The following RNF216 variants were observed in gnomAD, a reference collection of about 807,000 sequenced individuals.
RNF216 encodes E3 ubiquitin-protein ligase RNF216.
A neutral mutation model predicts 110.8 loss-of-function variants in RNF216; 72 were observed. The observed-to-expected ratio is 0.65, with a 90% CI of 0.54 to 0.79. RNF216 has a LOEUF of 0.79. Ranked by LOEUF, RNF216 falls within the 30% of genes least tolerant of loss-of-function variation. The pLI is 0.00. For missense variants in RNF216, 1,342 were observed against 1,141.2 expected (o/e 1.18, Z -2.54); for synonymous variants, 495 against 407.5 (o/e 1.21, Z -2.59).
At position 5,739,507 on chromosome 7, in the gene RNF216, C is replaced by G. The variant is rs1161024533; in HGVS notation, c.1045-155G>C. 5.4e-6 allele frequency: 4 copies of G among 746,310 alleles called. No homozygotes were observed. In the Admixed American group the frequency reaches 8.2e-5, roughly 15 times the overall value. 46.2% of individuals were successfully genotyped at this position (746,310 alleles called of 1,614,324 possible). ...TGTGTCTTCAAATTCAACACTAGTTCCCAGATTCATCTGTCTACATAGAAG... is the reference window on the plus strand; with the variant it reads ...TGTGTCTTCAAATTCAACACTAGTTGCCAGATTCATCTGTCTACATAGAAG... On this transcript the variant is annotated intron_variant, in intron 4 of 16. Transcript: ENST00000389902.
intron 1 of RNF216, among the ~76,000 whole-genome samples, chr7:5,779,770 A>C (rs961319022): frequency 2.2e-5 from 3 of 135,008 alleles, no homozygotes; most frequent in Non-Finnish European, 4.6e-5. Context: ...CGGAGGGTGC[A>C]GTGGGCAGAG....
chr7:5,723,497 A>G (rs1793566845), intron 8 of RNF216, among the ~76,000 whole-genome samples: 1 of 152,034 alleles, frequency 6.6e-6, no homozygotes, highest in Non-Finnish European at 1.5e-5. Context: ...AACACAAAAA[A>G]TTAGCCGGAC....
chr7:5,749,202 G>C (rs1355602652), intron 3 of RNF216, among the ~76,000 whole-genome samples: 3 of 147,380 alleles, frequency 2.0e-5, no homozygotes, highest in Non-Finnish European at 3.0e-5. Context: ...ACAGGCTAGA[G>C]TGCAGTGGCG....
chr7:5,686,286 C>T (rs1176726389), intron 13 of RNF216, among the ~76,000 whole-genome samples: 2 of 150,012 alleles, frequency 1.3e-5, no homozygotes, highest in East Asian at 1.9e-4. Context: ...AACACCACTG[C>T]TGCCACGTGG....
At chr7:5,710,598 A>C (rs940164345) in intron 13 of RNF216, among the ~76,000 whole-genome samples, 7 of 152,042 alleles carry the variant, frequency 4.6e-5, no homozygotes, top group Non-Finnish European at 8.8e-5. Context: ...CTTATATTTT[A>C]TCTCTCCCCA....
chr7:5,678,328 T>C (rs116646260), intron 13 of RNF216, among the ~76,000 whole-genome samples: 382 of 152,334 alleles, frequency 2.5e-3, no homozygotes, highest in African/African-American at 8.5e-3. Flanking sequence ...AATGTCAATA[T>C]ATTACCTGCG....
At chr7:5,700,880 A>C (rs983062081) in intron 13 of RNF216, among the ~76,000 whole-genome samples, 4 of 152,140 alleles carry the variant, frequency 2.6e-5, no homozygotes, top group East Asian at 3.8e-4. Flanking sequence ...TGCACCAAGA[A>C]GACAAACCCT....
intron 14 of RNF216, among the ~76,000 whole-genome samples, chr7:5,643,884 T>C (rs1301535135): frequency 6.6e-6 from 1 of 152,198 alleles, no homozygotes; most frequent in East Asian, 1.9e-4. Context: ...GCTCTACAGA[T>C]TGCCATTCTG....
intron 3 of RNF216, among the ~76,000 whole-genome samples, chr7:5,748,611 TACACACACACACACACACACACACAC>T (rs10588945): frequency 2.1e-5 from 3 of 143,054 alleles, no homozygotes; most frequent in Non-Finnish European, 3.1e-5. Flanking sequence ...TTTATATACA[TACACACACACACACACACACACACAC>T]ACACACACAC....
intron 13 of RNF216, among the ~76,000 whole-genome samples, chr7:5,678,689 G>A (rs1482005461): frequency 6.6e-6 from 1 of 152,228 alleles, no homozygotes; most frequent in Non-Finnish European, 1.5e-5. Flanking sequence ...TGTGCCTCCT[G>A]GGCCTGCTAC....
intron 15 of RNF216, among the ~76,000 whole-genome samples, chr7:5,630,974 T>C (rs568643315): frequency 6.6e-6 from 1 of 152,160 alleles, no homozygotes; most frequent in Non-Finnish European, 1.5e-5. Flanking sequence ...ACTGGGGGCC[T>C]GAGAACACTG....
chr7:5,641,202 T>A lies in RNF216; in HGVS notation c.2334A>T (p.Gly778=). 6.2e-7 allele frequency: 1 copy of A among 1,614,192 alleles called. No homozygotes were observed. The highest frequency in any genetic ancestry group is 8.5e-7 in the Non-Finnish European group (1 of 1,180,044). Residue 778 remains glycine (G), a synonymous_variant, in exon 15 of 17, where the codon GGA becomes GGT. Transcript: ENST00000389902. ...ATCTTGAACACTCCTGGCAAGGGGC[T>A]CCTGGTGAGCGGGGATGTTGGCAGA... ...DHFCQHPRSP[G]APCQECSRCS...
chr7:5,646,344 A>G (rs1788045964), intron 14 of RNF216, among the ~76,000 whole-genome samples: 1 of 151,818 alleles, frequency 6.6e-6, no homozygotes, highest in African/African-American at 2.4e-5. Flanking sequence ...ACTGCACTCC[A>G]GACGGGGTGA....
chr7:5,698,198 G>C (rs1791743268), intron 13 of RNF216, among the ~76,000 whole-genome samples: 1 of 152,180 alleles, frequency 6.6e-6, no homozygotes. Flanking sequence ...GTTTGGGCTA[G>C]AGGGACACTC....
At chr7:5,667,882 C>T (rs974543613) in intron 13 of RNF216, among the ~76,000 whole-genome samples, 2 of 152,202 alleles carry the variant, frequency 1.3e-5, no homozygotes, top group Non-Finnish European at 2.9e-5. Context: ...AAAGGAGCCA[C>T]TGGGGTCTGG....
chr7:5,658,255 C>G (rs1788872607), intron 13 of RNF216, among the ~76,000 whole-genome samples: 1 of 152,190 alleles, frequency 6.6e-6, no homozygotes, highest in African/African-American at 2.4e-5. Flanking sequence ...CCATTAAAGC[C>G]AAGTATCTGA....
intron 1 of RNF216, among the ~76,000 whole-genome samples, chr7:5,769,407 C>G (rs960178894): frequency 6.6e-6 from 1 of 151,766 alleles, no homozygotes; most frequent in Non-Finnish European, 1.5e-5. Context: ...TGAGCCACCG[C>G]GCCTGGCCGC....
chr7:5,674,222 G>A (rs1039040261), intron 13 of RNF216, among the ~76,000 whole-genome samples: 7 of 151,976 alleles, frequency 4.6e-5, no homozygotes, highest in Admixed American at 1.3e-4. Context: ...TAGAGACGGG[G>A]TTTCACCATG....
rs1413233097 is a variant in RNF216, at chr7:5,622,100, G to C, written c.*760C>G. On this transcript the variant is annotated 3_prime_UTR_variant, in exon 17 of 17. Transcript: ENST00000389902. Reference sequence around the variant, plus strand: ...TGCCCAGCAGGGCCACCAGGCCTCTGTCCCAGCTGCCTTAAGAGGCTCTTT... The same window carrying C: ...TGCCCAGCAGGGCCACCAGGCCTCTCTCCCAGCTGCCTTAAGAGGCTCTTT... The C allele has an allele frequency of 1.3e-5, 2 of 152,340 alleles. No individual in the cohort carries two copies. The highest frequency in any genetic ancestry group is 6.5e-5 in the Admixed American group (1 of 15,284). The allele number at this position is 152,340 out of a possible 1,614,324, so 9.4% of individuals were successfully genotyped here.
Sources: allele counts gnomAD v4.1 joint callset (sites outside exome capture counted in the v4.1 genomes callset), GRCh38; gene constraint gnomAD v4.1.1; transcripts MANE v1.5; gene names NCBI Gene and HGNC (gene_info 2026-07-23, HGNC 2026-07-21).